The following DOCK10 variants were observed in gnomAD, a reference collection of about 807,000 sequenced individuals.
DOCK10 encodes the protein dedicator of cytokinesis 10.
A neutral mutation model predicts 280.1 loss-of-function variants in DOCK10; 145 were observed. The ratio of observed to expected loss-of-function variants is 0.52; its 90% CI spans 0.45 to 0.59. The LOEUF (loss-of-function observed/expected upper bound fraction) is 0.59. Ranked by LOEUF, DOCK10 falls within the 20% of genes least tolerant of loss-of-function variation. The pLI, the probability that DOCK10 is intolerant of heterozygous loss-of-function variation, is 0.00. For synonymous variants in DOCK10, 915 were observed against 942.2 expected, an observed-to-expected ratio of 0.97 and a Z score of 0.53; for missense variants, 2,368 against 2,651.7, an observed-to-expected ratio of 0.89 and a Z score of 2.35.
Position 224,774,823 on chromosome 2 carries a change from C to T in DOCK10, c.6013+82G>A. On this transcript the variant is annotated intron_variant, in intron 52 of 55. Coordinates refer to ENST00000258390, the MANE Select transcript of DOCK10 (RefSeq NM_014689.3). ...ACTTCTCTGCAGGACTGAAATAACTCTTGATTCCTACTGATCCAGCCCTAT... is the reference window on the plus strand; with the variant it reads ...ACTTCTCTGCAGGACTGAAATAACTTTTGATTCCTACTGATCCAGCCCTAT... 5 of 1,315,646 alleles carry T rather than the reference C, an allele frequency of 3.8e-6. No homozygotes were observed. The South Asian group carries it at 6.4e-5, about 17-fold the overall frequency. 81.5% of individuals were successfully genotyped at this position (1,315,646 alleles called of 1,614,324 possible).
At chr2:224,841,194 T>C (rs916065139) in intron 23 of DOCK10, among the ~76,000 whole-genome samples, 6 of 152,174 alleles carry the variant, frequency 3.9e-5, no homozygotes, top group Admixed American at 2.0e-4. Context: ...GTCACTATAG[T>C]TAATAAAAAT....
Position 224,856,997 on chromosome 2 carries a change from T to G in DOCK10, c.1686-15A>C. On this transcript the variant is annotated splice_polypyrimidine_tract_variant and intron_variant, in intron 14 of 55. Coordinates refer to ENST00000258390, the MANE Select transcript of DOCK10 (RefSeq NM_014689.3). ...TAAATACTGATCTAAAAGAAAATAT[T>G]TATTCAGGTTGGTAGTTGGATATTG... 1.3e-6 allele frequency: 2 copies of G among 1,592,142 alleles called. No homozygotes were observed. The highest frequency in any genetic ancestry group is 1.7e-6 in the Non-Finnish European group (2 of 1,168,662).
chr2:224,802,277 G>A (rs1031182742), intron 39 of DOCK10, among the ~76,000 whole-genome samples: 1 of 152,098 alleles, frequency 6.6e-6, no homozygotes, highest in African/African-American at 2.4e-5. Context: ...TAGAATAACA[G>A]GTCATTGAGT....
intron 11 of DOCK10, among the ~76,000 whole-genome samples, chr2:224,872,280 T>C (rs4674946): frequency 0.82 from 125,455 of 152,190 alleles, 52,512 homozygotes; most frequent in East Asian, 1. Flanking sequence ...ATTTAACGAA[T>C]GCTTACTTTG....
chr2:225,034,034 A>G (rs1690156874), intron 1 of DOCK10, among the ~76,000 whole-genome samples: 1 of 152,234 alleles, frequency 6.6e-6, no homozygotes, highest in South Asian at 2.1e-4. Flanking sequence ...CTGAGATGTC[A>G]TAAATGAAAG....
At chr2:224,938,539 A>C (rs997558194) in intron 1 of DOCK10, among the ~76,000 whole-genome samples, 1 of 152,172 alleles carries the variant, frequency 6.6e-6, no homozygotes, top group African/African-American at 2.4e-5. Flanking sequence ...AAAAATTCCA[A>C]TCTTGAAATC....
intron 1 of DOCK10, among the ~76,000 whole-genome samples, chr2:224,974,412 C>T (rs998337750): frequency 6.6e-6 from 1 of 152,116 alleles, no homozygotes; most frequent in Non-Finnish European, 1.5e-5. Flanking sequence ...AATAAAACAG[C>T]TATCCACAAG....
intron 55 of DOCK10, among the ~76,000 whole-genome samples, chr2:224,769,755 G>A (rs3754626): frequency 0.23 from 34,509 of 151,992 alleles, 4,247 homozygotes; most frequent in East Asian, 0.42. Context: ...CCCAGCCTCC[G>A]TAAAGGCAGT....
intron 1 of DOCK10, among the ~76,000 whole-genome samples, chr2:224,979,159 C>T (rs1248843393): frequency 1.3e-5 from 2 of 152,186 alleles, no homozygotes; most frequent in Non-Finnish European, 2.9e-5. Flanking sequence ...TGCTTCAGGA[C>T]CTCCCAGTTA....
chr2:224,925,449 A>C (rs1219881968), intron 2 of DOCK10, among the ~76,000 whole-genome samples: 1 of 152,210 alleles, frequency 6.6e-6, no homozygotes, highest in Non-Finnish European at 1.5e-5. Flanking sequence ...ACTAATATGA[A>C]GATGGAATTT....
chr2:224,816,817 G>C (rs1380603679), intron 29 of DOCK10, 104 bp from the exon 30 acceptor site: 1 of 676,364 alleles, frequency 1.5e-6, no homozygotes, highest in African/African-American at 1.8e-5. Context: ...AAAAGAAAAA[G>C]TAGTTACCAT....
At chr2:224,801,613 C>T (rs1002858813) in intron 40 of DOCK10, among the ~76,000 whole-genome samples, 1 of 152,140 alleles carries the variant, frequency 6.6e-6, no homozygotes, top group Non-Finnish European at 1.5e-5. Context: ...TTATCCCCTC[C>T]CCACAGAGGA....
chr2:224,765,915 A>G (rs992359550), intron 55 of DOCK10, 78 bp from the exon 56 acceptor site: 71 of 1,085,242 alleles, frequency 6.5e-5, no homozygotes, highest in Non-Finnish European at 9.2e-5. Flanking sequence ...TAAAACCCAG[A>G]ATAGAGGTTT....
intron 3 of DOCK10, among the ~76,000 whole-genome samples, chr2:224,911,483 C>T (rs1701008527): frequency 6.6e-6 from 1 of 152,130 alleles, no homozygotes; most frequent in Non-Finnish European, 1.5e-5. Context: ...GCTATCTTTC[C>T]CCTGGAAAAG....
chr2:224,967,399 T>C (rs1704837402), intron 1 of DOCK10, among the ~76,000 whole-genome samples: 1 of 152,214 alleles, frequency 6.6e-6, no homozygotes, highest in Non-Finnish European at 1.5e-5. Context: ...TCTAGTCTTA[T>C]CTGGTGTTAA....
At chr2:224,829,426 C>T (rs376020110) in intron 27 of DOCK10, among the ~76,000 whole-genome samples, 1 of 152,170 alleles carries the variant, frequency 6.6e-6, no homozygotes. Context: ...ACTGCTTCTT[C>T]CCCACCAAAA....
At chr2:224,991,945 A>G (rs949867896) in intron 1 of DOCK10, among the ~76,000 whole-genome samples, 1 of 152,202 alleles carries the variant, frequency 6.6e-6, no homozygotes, top group Non-Finnish European at 1.5e-5. Flanking sequence ...GGGGGTGAAT[A>G]CAGGAGGAGT....
intron 50 of DOCK10, among the ~76,000 whole-genome samples, chr2:224,782,832 C>T (rs1012764252): frequency 4.6e-5 from 7 of 152,160 alleles, no homozygotes; most frequent in African/African-American, 1.4e-4. Context: ...TTGCAAGACA[C>T]GTCAACTTGG....
chr2:224,867,469 C>T (rs1698006166), intron 11 of DOCK10, among the ~76,000 whole-genome samples: 1 of 152,216 alleles, frequency 6.6e-6, no homozygotes, highest in Admixed American at 6.5e-5. Flanking sequence ...TCACCCAAAT[C>T]CATGCCTCTA....
Sources: gnomAD v4.1 joint callset for allele counts (sites outside exome capture counted in the v4.1 genomes callset) on GRCh38, gnomAD v4.1.1 for gene constraint, MANE v1.5 for transcripts, NCBI Gene and HGNC (gene_info 2026-07-23, HGNC 2026-07-21) for gene names.